The following TAB3 variants were observed in gnomAD, a reference collection of about 807,000 sequenced individuals.
TAB3 encodes TGF-beta-activated kinase 1 and MAP3K7-binding protein 3.
In TAB3, 18 loss-of-function variants were observed where a neutral mutation model predicts 48.1. The ratio of observed to expected loss-of-function variants is 0.37; its 90% CI spans 0.26 to 0.55. The LOEUF (loss-of-function observed/expected upper bound fraction) is 0.55, where lower values mean the gene tolerates loss of function less well. Among genes scored for constraint, TAB3 ranks in the 20% least tolerant of loss-of-function variants. TAB3 has a pLI of 0.78. For missense variants in TAB3, 414 were observed against 549.8 expected (o/e 0.75, Z 2.47); for synonymous variants, 185 against 190.2 (o/e 0.97, Z 0.22).
In TAB3 at chrX:30,855,042, G is replaced by T. The variant is rs754757511; in HGVS notation, c.623C>A (p.Thr208Asn). ...TVSQNLPSGQ[T>N]VPRALQILPQ... The stretch of plus-strand genomic sequence containing the variant: ...AAGAATTTGTAAAGCTCTTGGTACA[G>T]TCTGTCCAGAAGGGAGGTTCTGGGA... Residue 208 changes from threonine to asparagine, a missense_variant, in exon 6 of 11, where the codon ACT becomes AAT. Physicochemically the swap from Thr to Asn is moderately conservative, Grantham distance 65. Transcript: ENST00000288422. 8 of 1,211,562 alleles carry T rather than the reference G, an allele frequency of 6.6e-6. No individual in the cohort carries two copies. Among genetic ancestry groups the T allele is most frequent in the Non-Finnish European group, 8.9e-6 (8 of 895,237 alleles).
rs771671568 is a variant in TAB3 at position 30,859,477 on chromosome X, G to C, written c.102+10C>G. 1.7e-6 allele frequency: 2 copies of C among 1,185,056 alleles called. No homozygotes were observed. Among genetic ancestry groups the C allele is most frequent in the Admixed American group, 2.2e-5 (1 of 45,374 alleles). On this transcript the variant is annotated intron_variant, in intron 5 of 10. Transcript: ENST00000288422. ...GAACTTAATATCACTATCACTGGTA[G>C]GTAACTTACCTGTAACATGCACTGA...
intron 9 of TAB3, among the ~76,000 whole-genome samples, chrX:30,837,836 T>G (rs894030922): frequency 8.9e-6 from 1 of 112,759 alleles, no homozygotes; most frequent in African/African-American, 3.2e-5. Flanking sequence ...TATCTCAAAT[T>G]TTTGTGTATG....
chrX:30,862,365 C>T (rs1413241547), intron 4 of TAB3, among the ~76,000 whole-genome samples: 2 of 111,983 alleles, frequency 1.8e-5, no homozygotes, highest in Non-Finnish European at 3.8e-5. Context: ...TCCAGCTTTC[C>T]CAATGGCTCC....
chrX:30,851,915 A>G (rs1349207855), intron 7 of TAB3, among the ~76,000 whole-genome samples: 4 of 112,330 alleles, frequency 3.6e-5, no homozygotes, highest in African/African-American at 1.3e-4. Flanking sequence ...ATCTGCACAG[A>G]AACGAGTTGA....
chrX:30,887,926 C>T lies in TAB3; in HGVS notation c.-383+1188G>A, dbSNP rs187195806. Among the ~76,000 whole-genome samples the T allele has an allele frequency of 4.6e-3, 514 of 111,893 alleles. 3 individuals are homozygous for T. Among genetic ancestry groups the T allele is most frequent in the African/African-American group, 0.016 (489 of 30,732 alleles). ...CAAGTGGGGGCGGGGGCTGTCCCTA[C>T]GGTTGTAAAGATTCATATCACACAC... On this transcript the variant is annotated intron_variant, in intron 1 of 10. Transcript: ENST00000288422.
chrX:30,856,297 C>T (rs1939072270), intron 5 of TAB3, among the ~76,000 whole-genome samples: 1 of 112,014 alleles, frequency 8.9e-6, no homozygotes, highest in Admixed American at 9.5e-5. Context: ...CTCACAGTCT[C>T]AAAAGTTTTT....
At chrX:30,837,104 AGTGGTGCGAT>A (rs1938260638) in intron 9 of TAB3, among the ~76,000 whole-genome samples, 2 of 90,775 alleles carry the variant, frequency 2.2e-5, no homozygotes, top group Non-Finnish European at 4.1e-5. Flanking sequence ...GTTGGAGTGC[AGTGGTGCGAT>A]CTCGGCTCAC....
intron 10 of TAB3, among the ~76,000 whole-genome samples, chrX:30,832,224 C>T (rs1216967927): frequency 8.9e-6 from 1 of 112,179 alleles, no homozygotes; most frequent in African/African-American, 3.2e-5. Context: ...AAAAATCCTT[C>T]ATATATCAGT....
chrX:30,858,188 G>T (rs1601821926), intron 5 of TAB3, among the ~76,000 whole-genome samples: 1 of 112,031 alleles, frequency 8.9e-6, no homozygotes, highest in African/African-American at 3.2e-5. Context: ...TTAGTTAAAT[G>T]GTAATGAAAA....
rs1434971474 is a variant in TAB3, at chrX:30,855,444, A to G, written c.221T>C (p.Ile74Thr). Residue 74 changes from isoleucine (I) to threonine (T), a missense_variant, in exon 6 of 11, where the codon ATT becomes ACT. By Grantham distance (89) the Ile-to-Thr change is moderately conservative. Coordinates refer to ENST00000288422, the MANE Select transcript of TAB3 (RefSeq NM_152787.5). ...ACTAGGAGAATGGATACCCAGGTTA[A>G]TATGTAAAAGGCGATTTCTATTCAT... Reference protein sequence around the residue: ...NRMNRNRLLHINLGIHSPSSY... With the variant: ...NRMNRNRLLHTNLGIHSPSSY... 1 of 1,211,668 alleles carries G rather than the reference A, an allele frequency of 8.3e-7. No homozygotes were observed. The highest frequency in any genetic ancestry group is 1.1e-6 in the Non-Finnish European group (1 of 895,433).
chrX:30,847,956 A>G (rs1786838314), intron 7 of TAB3, among the ~76,000 whole-genome samples: 3 of 112,608 alleles, frequency 2.7e-5, no homozygotes, highest in South Asian at 7.3e-4. Flanking sequence ...ACTATGTGAC[A>G]TTAATGTGTA....
chrX:30,888,798 G>A (rs1940207701), intron 1 of TAB3, among the ~76,000 whole-genome samples: 1 of 112,653 alleles, frequency 8.9e-6, no homozygotes, highest in African/African-American at 3.2e-5. Flanking sequence ...AATGCCTAGG[G>A]TCCGGCGAGG....
chrX:30,876,783 G>A (rs931666544), intron 1 of TAB3, among the ~76,000 whole-genome samples: 9 of 111,338 alleles, frequency 8.1e-5, no homozygotes, highest in East Asian at 5.5e-4. Context: ...TGCAAAAACC[G>A]AAACTAAGAA....
At position 30,846,236 on chromosome X, in the gene TAB3, G is replaced by A. The variant is rs1296942995; in HGVS notation, c.1804+315C>T. The A allele has an allele frequency of 7.6e-5, 25 of 327,412 alleles. No homozygotes were observed. The East Asian group carries it at 2.1e-3, about 28-fold the overall frequency. The allele number at this position is 327,412 out of a possible 1,213,427, so 27.0% of individuals were successfully genotyped here. A position where few individuals can be genotyped will look rare whatever the true frequency, so the allele number is the denominator to read the frequency against. On this transcript the variant is annotated intron_variant, in intron 8 of 10. Coordinates refer to ENST00000288422, the MANE Select transcript of TAB3 (RefSeq NM_152787.5). ...ATTTTAGATGTCTATCACATAATATGAACTCTACTAAGTTTTAGAATTAAA... is the reference window on the plus strand; with the variant it reads ...ATTTTAGATGTCTATCACATAATATAAACTCTACTAAGTTTTAGAATTAAA...
intron 7 of TAB3, among the ~76,000 whole-genome samples, chrX:30,850,173 T>C (rs1938784714): frequency 9.0e-6 from 1 of 111,541 alleles, no homozygotes; most frequent in African/African-American, 3.3e-5. Flanking sequence ...ACTGTCCCTC[T>C]GCTGTGTACT....
intron 1 of TAB3, among the ~76,000 whole-genome samples, chrX:30,877,885 A>G (rs748472483): frequency 5.3e-5 from 6 of 112,160 alleles, no homozygotes; most frequent in Non-Finnish European, 1.9e-5. Flanking sequence ...CATCTAAAAC[A>G]TAAGAATACA....
chrX:30,850,639 G>A (rs1489562357), intron 7 of TAB3, among the ~76,000 whole-genome samples: 3 of 108,082 alleles, frequency 2.8e-5, no homozygotes, highest in Non-Finnish European at 5.8e-5. Flanking sequence ...TTGAACCTGG[G>A]AGGCGGAGGT....
At chrX:30,857,863 G>A (rs1305185345) in intron 5 of TAB3, among the ~76,000 whole-genome samples, 1 of 111,379 alleles carries the variant, frequency 9.0e-6, no homozygotes, top group East Asian at 2.8e-4. Flanking sequence ...TCATTTCAGA[G>A]GTAAGAATTT....
intron 9 of TAB3, 90 bp from the exon 10 acceptor site, chrX:30,834,242 C>T: frequency 1.2e-6 from 1 of 801,755 alleles, no homozygotes; most frequent in Non-Finnish European, 1.8e-6. Context: ...AAGCAACCCA[C>T]ACAGCTGAGT....
Sources: allele counts gnomAD v4.1 joint callset (sites outside exome capture counted in the v4.1 genomes callset), GRCh38; gene constraint gnomAD v4.1.1; transcripts MANE v1.5; gene names NCBI Gene and HGNC (gene_info 2026-07-23, HGNC 2026-07-21).